FTO: variants seen among roughly 807,000 people sequenced by gnomAD.
FTO encodes alpha-ketoglutarate-dependent dioxygenase FTO.
FTO carries 47 observed loss-of-function variants against 63.9 expected under a neutral mutation model. That is an observed-to-expected ratio of 0.74 (90% CI 0.58 to 0.94). The LOEUF (loss-of-function observed/expected upper bound fraction) is 0.94, where lower values mean the gene tolerates loss of function less well. Among genes scored for constraint, FTO ranks in the 40% least tolerant of loss-of-function variants. The probability of loss-of-function intolerance (pLI) is 0.00; values close to 1 mark genes in which losing one functional copy is unlikely to be tolerated. For missense variants in FTO, 562 were observed against 618.1 expected (o/e 0.91, Z 0.96); for synonymous variants, 207 against 224.4 (o/e 0.92, Z 0.69).
At chr16:53,913,927 C>T (rs1278982454) in intron 7 of FTO, among the ~76,000 whole-genome samples, 1 of 150,588 alleles carries the variant, frequency 6.6e-6, no homozygotes, top group Non-Finnish European at 1.5e-5. Flanking sequence ...TGCTGTGAGC[C>T]GAGACCACAC....
chr16:53,987,928 G>A (rs1250405529), intron 8 of FTO, among the ~76,000 whole-genome samples: 3 of 152,188 alleles, frequency 2.0e-5, no homozygotes, highest in Admixed American at 6.5e-5. Flanking sequence ...TAGTATATTA[G>A]TCTGAAAACA....
intron 8 of FTO, among the ~76,000 whole-genome samples, chr16:54,010,611 C>A (rs1161688233): frequency 1.3e-5 from 2 of 152,092 alleles, no homozygotes; most frequent in Admixed American, 1.3e-4. Flanking sequence ...AACGTTTTTA[C>A]CTCCAGTTCC....
chr16:53,776,641 A>T (rs1031637044), intron 1 of FTO, among the ~76,000 whole-genome samples: 1 of 152,210 alleles, frequency 6.6e-6, no homozygotes, highest in African/African-American at 2.4e-5. Flanking sequence ...TTACAAGTTA[A>T]TGTAACATTT....
At chr16:53,829,695 C>G (rs1004914544) in intron 3 of FTO, among the ~76,000 whole-genome samples, 2 of 152,028 alleles carry the variant, frequency 1.3e-5, no homozygotes, top group African/African-American at 2.4e-5. Flanking sequence ...ATGAGCTGTT[C>G]TAGACAGTAT....
chr16:54,015,961 C>T (rs2084435861), intron 8 of FTO, among the ~76,000 whole-genome samples: 1 of 140,062 alleles, frequency 7.1e-6, no homozygotes, highest in South Asian at 2.2e-4. Flanking sequence ...AACTGACAAC[C>T]GGCTGGCCTT....
chr16:54,039,785 A>G (rs1318835620), intron 8 of FTO: 1 of 152,232 alleles, frequency 6.6e-6, no homozygotes, highest in Non-Finnish European at 1.5e-5. Context: ...TCCTGATTGT[A>G]ATCCCTCCAG....
chr16:53,993,233 A>G (rs1019229100), intron 8 of FTO: 6 of 152,260 alleles, frequency 3.9e-5, no homozygotes, highest in Non-Finnish European at 7.3e-5. Flanking sequence ...TCTTACAACA[A>G]TACTTTGGAA....
rs894997904 is a variant in FTO, at chr16:53,801,240, GT to G, written c.46-8890del. Among the ~76,000 whole-genome samples, 22 of 144,192 alleles carry G rather than the reference GT, an allele frequency of 1.5e-4. No individual in the cohort carries two copies. The South Asian group carries it at 1.5e-3, about 10-fold the overall frequency. 94.6% of individuals were successfully genotyped at this position (144,192 alleles called of 152,430 possible). A position where few individuals can be genotyped will look rare whatever the true frequency, so the allele number is the denominator to read the frequency against. On this transcript the variant is annotated intron_variant, in intron 1 of 8. Coordinates refer to ENST00000471389, the MANE Select transcript of FTO (RefSeq NM_001080432.3). ...TTGGCTTATTACTTGTAATTTTTTGGTTTTTTTTTTATGTTGGTTTTAGGGT... is the reference window on the plus strand; with the variant it reads ...TTGGCTTATTACTTGTAATTTTTTGGTTTTTTTTTATGTTGGTTTTAGGGT...
intron 8 of FTO, among the ~76,000 whole-genome samples, chr16:54,016,641 G>T (rs2084455513): frequency 6.6e-6 from 1 of 152,118 alleles, no homozygotes; most frequent in African/African-American, 2.4e-5. Flanking sequence ...CCTGTCCCTT[G>T]CCCCGAAAGT....
chr16:53,843,915 G>A (rs2079545108), intron 3 of FTO, among the ~76,000 whole-genome samples: 1 of 151,822 alleles, frequency 6.6e-6, no homozygotes, highest in African/African-American at 2.4e-5. Context: ...CTCCCAAAGT[G>A]CTGGGATTAT....
intron 8 of FTO, among the ~76,000 whole-genome samples, chr16:54,110,051 G>A (rs948710614): frequency 3.9e-5 from 6 of 152,124 alleles, no homozygotes; most frequent in East Asian, 1.9e-4. Context: ...GTAATTAGTC[G>A]CAGCTTTCCT....
At chr16:54,077,335 G>A (rs1439534757) in intron 8 of FTO, among the ~76,000 whole-genome samples, 3 of 152,126 alleles carry the variant, frequency 2.0e-5, no homozygotes, top group East Asian at 3.9e-4. Context: ...CCCAGTAAAC[G>A]CTGTGTGGAG....
At chr16:53,807,813 T>C (rs1348498713) in intron 1 of FTO, among the ~76,000 whole-genome samples, 1 of 152,136 alleles carries the variant, frequency 6.6e-6, no homozygotes. Context: ...AAAATTGAGG[T>C]ATAGATTTTG....
chr16:53,875,319 CATT>C (rs1457616309), intron 5 of FTO, among the ~76,000 whole-genome samples: 1 of 152,082 alleles, frequency 6.6e-6, no homozygotes, highest in Non-Finnish European at 1.5e-5. Context: ...TGGACAGTCT[CATT>C]AGTGCTGGGT....
intron 1 of FTO, among the ~76,000 whole-genome samples, chr16:53,763,143 C>T (rs954682863): frequency 2.0e-5 from 3 of 152,008 alleles, no homozygotes; most frequent in East Asian, 1.9e-4. Flanking sequence ...ATGTTTATCC[C>T]GGCTAATATA....
intron 8 of FTO, among the ~76,000 whole-genome samples, chr16:54,052,873 T>A (rs1412754549): frequency 9.2e-5 from 14 of 152,264 alleles, no homozygotes; most frequent in African/African-American, 3.4e-4. Context: ...CTAATTTTTG[T>A]ATTTTTTTAG....
chr16:53,851,402 C>A (rs1307367933), intron 4 of FTO, among the ~76,000 whole-genome samples: 1 of 149,330 alleles, frequency 6.7e-6, no homozygotes, highest in Non-Finnish European at 1.5e-5. Flanking sequence ...GAGGTTGCAG[C>A]GAGTCAAGAT....
intron 5 of FTO, among the ~76,000 whole-genome samples, chr16:53,879,254 C>T (rs913219136): frequency 5.3e-5 from 8 of 152,080 alleles, no homozygotes; most frequent in East Asian, 1.9e-4. Context: ...CGTTAGCCTC[C>T]GGGACCCAAA....
intron 1 of FTO, among the ~76,000 whole-genome samples, chr16:53,778,543 G>C (rs927379570): frequency 6.6e-6 from 1 of 152,190 alleles, no homozygotes; most frequent in Non-Finnish European, 1.5e-5. Flanking sequence ...TCTGAAAATA[G>C]TATTGATCTT....
Sources: gnomAD v4.1 joint callset for allele counts (sites outside exome capture counted in the v4.1 genomes callset) on GRCh38, gnomAD v4.1.1 for gene constraint, MANE v1.5 for transcripts, NCBI Gene and HGNC (gene_info 2026-07-23, HGNC 2026-07-21) for gene names.